Variants in RNPC3 observed in about 807,000 individuals in gnomAD.
RNPC3 encodes RNA-binding region-containing protein 3.
RNPC3 carries 48 observed loss-of-function variants against 67.5 expected under a neutral mutation model. The observed-to-expected ratio is 0.71, with a 90% CI of 0.56 to 0.90. RNPC3 has a LOEUF of 0.90. Ranked by LOEUF, RNPC3 falls within the 40% of genes least tolerant of loss-of-function variation. The pLI is 0.00. For missense variants in RNPC3, 637 were observed against 626.1 expected (o/e 1.02, Z -0.19); for synonymous variants, 239 against 210.3 (o/e 1.14, Z -1.18).
chr1:103,549,528 ATTACT>A (rs558199927), intron 12 of RNPC3, among the ~76,000 whole-genome samples: 21 of 152,282 alleles, frequency 1.4e-4, no homozygotes, highest in Admixed American at 2.6e-4. Flanking sequence ...GGAAAAAAAA[ATTACT>A]TTACTGCATT....
intron 9 of RNPC3, among the ~76,000 whole-genome samples, chr1:103,544,568 T>C (rs1390966149): frequency 6.6e-6 from 1 of 151,922 alleles, no homozygotes; most frequent in Non-Finnish European, 1.5e-5. Flanking sequence ...TGTGTGAATA[T>C]AGGATAGAAT....
At position 103,550,894 on chromosome 1, in the gene RNPC3, A is replaced by G. The variant is rs773016140; in HGVS notation, c.1362-47A>G. 40 of 1,581,086 alleles carry G rather than the reference A, an allele frequency of 2.5e-5. No individual in the cohort carries two copies. In the East Asian group the frequency reaches 9.0e-4, roughly 36 times the overall value. On this transcript the variant is annotated intron_variant, in intron 12 of 14. Transcript: ENST00000423855. ...TAGATTATTCAACACATTTTCATTC[A>G]CATTGAAACTGACATTCTTTGAATC...
rs1166502875 is a variant in RNPC3, at chr1:103,541,489, A to G, written c.893+14A>G. The G allele has an allele frequency of 6.8e-7, 1 of 1,477,594 alleles. No homozygotes were observed. Among genetic ancestry groups the G allele is most frequent in the Admixed American group, 2.7e-5 (1 of 37,640 alleles). 91.5% of individuals were successfully genotyped at this position (1,477,594 alleles called of 1,614,324 possible). ...TCCTTCACACAGGTAATTTTATTTG[A>G]ACTAAGAAATGAGGGTTGTCTGTAT... On this transcript the variant is annotated intron_variant, in intron 8 of 14. Transcript: ENST00000423855.
chr1:103,551,867 G>T, intron 14 of RNPC3, 75 bp downstream of exon 14: 1 of 788,134 alleles, frequency 1.3e-6, no homozygotes, highest in Non-Finnish European at 2.0e-6. Flanking sequence ...GTTTGACAAG[G>T]TAGTAATTCA....
Position 103,541,491 on chromosome 1 carries a change from C to G in RNPC3, c.893+16C>G, listed in dbSNP as rs189444946. On this transcript the variant is annotated intron_variant, in intron 8 of 14. Transcript: ENST00000423855. ...CTTCACACAGGTAATTTTATTTGAACTAAGAAATGAGGGTTGTCTGTATGT... is the reference window on the plus strand; with the variant it reads ...CTTCACACAGGTAATTTTATTTGAAGTAAGAAATGAGGGTTGTCTGTATGT... 5.3e-5 allele frequency: 78 copies of G among 1,475,800 alleles called. No homozygotes were observed. In the East Asian group the frequency reaches 1.9e-3, roughly 36 times the overall value. 91.4% of individuals were successfully genotyped at this position (1,475,800 alleles called of 1,614,324 possible). A position where few individuals can be genotyped will look rare whatever the true frequency, so the allele number is the denominator to read the frequency against.
chr1:103,551,620 T>TA (rs1403485199), intron 13 of RNPC3, 101 bp from the exon 14 acceptor site: 2 of 704,284 alleles, frequency 2.8e-6, no homozygotes, highest in Non-Finnish European at 4.7e-6. Context: ...CAAGGTAAAT[T>TA]AAAAAACCAT....
intron 12 of RNPC3, among the ~76,000 whole-genome samples, chr1:103,550,634 CTG>C: frequency 1.0e-5 from 1 of 97,540 alleles, no homozygotes; most frequent in Admixed American, 1.2e-4. Flanking sequence ...GAGTGAGACT[CTG>C]TCTCAAAAAA....
In RNPC3 at chr1:103,546,279, T is replaced by C. The variant is rs910788538; in HGVS notation, c.1239T>C (p.Tyr413=). The C allele has an allele frequency of 5.5e-6, 8 of 1,464,720 alleles. No individual in the cohort carries two copies. In the African/African-American group the frequency reaches 1.0e-4, roughly 18 times the overall value. 90.7% of individuals were successfully genotyped at this position (1,464,720 alleles called of 1,614,324 possible). Residue 413 remains tyrosine, a synonymous_variant, in exon 11 of 15, where the codon TAT becomes TAC. Coordinates refer to ENST00000423855, the MANE Select transcript of RNPC3 (RefSeq NM_017619.4). ...EMETLSVFRS[Y]EPGEPNCRIY... Reference sequence around the variant, plus strand: ...AAACACTTTCAGTTTTCAGAAGTTATGAACCGGGTGAACCAAACTGTAGAA... The same window carrying C: ...AAACACTTTCAGTTTTCAGAAGTTACGAACCGGGTGAACCAAACTGTAGAA...
At chr1:103,535,856 T>C (rs1650971460) in intron 5 of RNPC3, among the ~76,000 whole-genome samples, 1 of 152,126 alleles carries the variant, frequency 6.6e-6, no homozygotes, top group African/African-American at 2.4e-5. Flanking sequence ...GTTAAAGATA[T>C]AAAATCATTT....
intron 2 of RNPC3, among the ~76,000 whole-genome samples, chr1:103,531,772 C>T (rs1650864954): frequency 6.6e-6 from 1 of 151,958 alleles, no homozygotes; most frequent in East Asian, 1.9e-4. Flanking sequence ...ATATTTTCTC[C>T]CGCTATGGGT....
Position 103,525,874 on chromosome 1 carries a change from TC to T in RNPC3, c.-193del. 3.6e-6 allele frequency: 2 copies of T among 555,812 alleles called. No homozygotes were observed. The highest frequency in any genetic ancestry group is 2.3e-5 in the South Asian group (1 of 43,652). 34.4% of individuals were successfully genotyped at this position (555,812 alleles called of 1,614,324 possible). ...ATTTAAATCATTAGCACCGCGCCCT[TC>T]CCCGAAGAGTCTTCGAAGGGTTGCC... On this transcript the variant is annotated 5_prime_UTR_variant, in exon 1 of 15. Transcript: ENST00000423855.
At chr1:103,538,372 C>G (rs565861710) in intron 7 of RNPC3, among the ~76,000 whole-genome samples, 1 of 152,186 alleles carries the variant, frequency 6.6e-6, no homozygotes, top group East Asian at 1.9e-4. Flanking sequence ...TAAAATGGCC[C>G]TTGAGCATGG....
chr1:103,544,208 C>T (rs2101050004), intron 9 of RNPC3, among the ~76,000 whole-genome samples: 1 of 151,678 alleles, frequency 6.6e-6, no homozygotes, highest in Non-Finnish European at 1.5e-5. Flanking sequence ...CCTTCCAGAC[C>T]TTATCCTGTA....
chr1:103,547,760 T>C (rs1179970576), intron 12 of RNPC3, among the ~76,000 whole-genome samples: 2 of 152,208 alleles, frequency 1.3e-5, no homozygotes, highest in Non-Finnish European at 1.5e-5. Flanking sequence ...TAAAAGCTAA[T>C]GTGTTAGTCT....
chr1:103,540,186 G>A lies in RNPC3; in HGVS notation c.768-1164G>A, dbSNP rs565357058. Reference sequence around the variant, plus strand: ...CCAGCCAACACTTTTGCTTTCTGATGTTTCCATGTACACAAACTTTATTTC... The same window carrying A: ...CCAGCCAACACTTTTGCTTTCTGATATTTCCATGTACACAAACTTTATTTC... On this transcript the variant is annotated intron_variant, in intron 7 of 14. Coordinates refer to ENST00000423855, the MANE Select transcript of RNPC3 (RefSeq NM_017619.4). Among the ~76,000 whole-genome samples the A allele has an allele frequency of 7.9e-5, 12 of 152,220 alleles. No individual in the cohort carries two copies. The East Asian group carries it at 1.9e-3, about 25-fold the overall frequency.
intron 3 of RNPC3, 68 bp from the exon 4 acceptor site, chr1:103,534,706 T>C: frequency 1.2e-6 from 1 of 827,760 alleles, no homozygotes; most frequent in Non-Finnish European, 1.8e-6. Context: ...AAAGGTAATT[T>C]ATCTTTTCTG....
At chr1:103,545,295 T>G in intron 10 of RNPC3, 193 bp downstream of exon 10, 1 of 440,198 alleles carries the variant, frequency 2.3e-6, no homozygotes. Flanking sequence ...GAACGTTCCT[T>G]TCCATACAGT....
At chr1:103,552,400 C>T (rs1217596018) in intron 14 of RNPC3, 1 of 151,188 alleles carries the variant, frequency 6.6e-6, no homozygotes, top group Non-Finnish European at 1.5e-5. Flanking sequence ...GATACATTTT[C>T]TAACTCTTAA....
chr1:103,550,658 AAAG>A (rs1473594089), intron 12 of RNPC3, among the ~76,000 whole-genome samples: 2 of 151,640 alleles, frequency 1.3e-5, no homozygotes, highest in Admixed American at 6.6e-5. Flanking sequence ...AAAAAAAAAA[AAAG>A]AAGTTTGGTT....
Sources: gnomAD v4.1 joint callset for allele counts (sites outside exome capture counted in the v4.1 genomes callset) on GRCh38, gnomAD v4.1.1 for gene constraint, MANE v1.5 for transcripts, NCBI Gene and HGNC (gene_info 2026-07-23, HGNC 2026-07-21) for gene names.